EPHA1: variants seen among roughly 807,000 people sequenced by gnomAD.
EPHA1 encodes the protein ephrin type-A receptor 1.
Under a neutral mutation model 110.1 loss-of-function variants are expected in EPHA1, and 92 were observed. The observed-to-expected ratio is 0.84, with a 90% CI of 0.71 to 0.99. The LOEUF is 0.99. Among genes scored for constraint, EPHA1 ranks in the 50% least tolerant of loss-of-function variants. The probability of loss-of-function intolerance (pLI) is 0.00; values close to 1 mark genes in which losing one functional copy is unlikely to be tolerated. For synonymous variants in EPHA1, 500 were observed against 516.1 expected (o/e 0.97, Z 0.42); for missense variants, 1,204 against 1,285.4 (o/e 0.94, Z 0.97).
rs1297260434 is a variant in EPHA1 at position 143,396,122 on chromosome 7, G to A, written c.1897+263C>T. Among the ~76,000 whole-genome samples, 4 of 152,242 alleles carry A rather than the reference G, an allele frequency of 2.6e-5. 1 individual carries two copies. The highest frequency in any genetic ancestry group is 9.6e-5 in the African/African-American group (4 of 41,462). On this transcript the variant is annotated intron_variant, in intron 11 of 17. Transcript: ENST00000275815. The stretch of plus-strand genomic sequence containing the variant: ...TGTGGATGAAAACAGTGTATTTAAT[G>A]CCCTTTATCAGAAACTCCAAAACCA...
chr7:143,398,582 G>GCCCCTCTCAGCCTCTCACCTGCATGCCC lies in EPHA1; in HGVS notation c.1327_1336+18dup, dbSNP rs780472007. On this transcript the variant is annotated intron_variant, in intron 6 of 17. Coordinates refer to ENST00000275815, the MANE Select transcript of EPHA1 (RefSeq NM_005232.5). ...CTGTCTCCACCAGGTCCCTGTCCCA[G>GCCCCTCTCAGCCTCTCACCTGCATGCCC]CCCCTCTCAGCCTCTCACCTGCATG... 4.3e-6 allele frequency: 7 copies of GCCCCTCTCAGCCTCTCACCTGCATGCCC among 1,609,466 alleles called. No individual in the cohort carries two copies. In the African/African-American group the frequency reaches 9.4e-5, roughly 22 times the overall value.
chr7:143,394,160 G>A (rs1450268563), intron 15 of EPHA1, 34 bp downstream of exon 15: 12 of 1,588,860 alleles, frequency 7.6e-6, no homozygotes, highest in Non-Finnish European at 1.0e-5. Flanking sequence ...GGTGTGAATT[G>A]GAGACAAGAT....
Position 143,395,704 on chromosome 7 carries a change from C to T in EPHA1, c.1898-200G>A, listed in dbSNP as rs573453178. On this transcript the variant is annotated intron_variant, in intron 11 of 17. Coordinates refer to ENST00000275815, the MANE Select transcript of EPHA1 (RefSeq NM_005232.5). This position sits in a 1 kb window ranked among gnomAD's most constrained non-coding sequence, Gnocchi z 4.7. ...CTGGAGTGCAATGCCGTGACCTATT[C>T]ACCACTGTCTCCCAGTGTTTGCACA... 3 of 608,394 alleles carry T rather than the reference C, an allele frequency of 4.9e-6. No homozygotes were observed. Among genetic ancestry groups the T allele is most frequent in the East Asian group, 2.8e-5 (1 of 36,094 alleles). 37.7% of individuals were successfully genotyped at this position (608,394 alleles called of 1,614,324 possible).
In EPHA1 at chr7:143,398,957, G is replaced by T; in HGVS notation, c.992-12C>A. 6.3e-7 allele frequency: 1 copy of T among 1,583,242 alleles called. No individual in the cohort carries two copies. The highest frequency in any genetic ancestry group is 8.6e-7 in the Non-Finnish European group (1 of 1,164,652). ...GGCCGAGGGGGGACCTGTGGGAGAA[G>T]AGGAGCCATCAGTAGAAGCCGACCT... On this transcript the variant is annotated splice_polypyrimidine_tract_variant and intron_variant, in intron 5 of 17. Transcript: ENST00000275815.
intron 16 of EPHA1, among the ~76,000 whole-genome samples, chr7:143,392,003 A>T (rs539173356): frequency 6.6e-6 from 1 of 152,312 alleles, no homozygotes; most frequent in South Asian, 2.1e-4. Context: ...GGCCTATAGG[A>T]AGGGACTGTC....
chr7:143,394,086 G>A, intron 15 of EPHA1, 108 bp downstream of exon 15: 1 of 1,438,576 alleles, frequency 7.0e-7, no homozygotes. Flanking sequence ...AAAAACTGAA[G>A]GTCATGAATA....
Position 143,399,385 on chromosome 7 carries a change from G to A in EPHA1, c.864C>T (p.Asp288=). The A allele has an allele frequency of 1.2e-6, 2 of 1,601,446 alleles. No individual in the cohort carries two copies. Among genetic ancestry groups the A allele is most frequent in the Non-Finnish European group, 1.7e-6 (2 of 1,173,408 alleles). The change falls in exon 5 of 18, where the codon GAC becomes GAT. Residue 288 remains aspartate, a synonymous_variant. Coordinates refer to ENST00000275815, the MANE Select transcript of EPHA1 (RefSeq NM_005232.5). ...VACPSGSYRM[D]MDTPHCLTCP... ...ACGTGAGACAATGGGGTGTGTCCAT[G>A]TCCATCCGGTAGGAGCCGCTAGGGC...
rs780668174 is a variant in EPHA1 at position 143,397,615 on chromosome 7, A to T, written c.1658T>A (p.Phe553Tyr). The change falls in exon 9 of 18, where the codon TTT becomes TAT. Residue 553 changes from phenylalanine (F) to tyrosine (Y), a missense_variant. By Grantham distance (22) the Phe-to-Tyr change is conservative (BLOSUM62 3). Transcript: ENST00000275815. The stretch of plus-strand genomic sequence containing the variant: ...CAAGGCTGCACCAAGCAGCAGCCCA[A>T]AGATGACGGCTACAATCTCTCCTCC... Reference protein sequence around the residue: ...LTGGEIVAVIFGLLLGAALLL... With the variant: ...LTGGEIVAVIYGLLLGAALLL... 1 of 1,614,064 alleles carries T rather than the reference A, an allele frequency of 6.2e-7. No individual in the cohort carries two copies.
At position 143,399,916 on chromosome 7, in the gene EPHA1, G is replaced by A; in HGVS notation, c.570C>T (p.Ala190=). ...CCCGGACAGACACCAGGGCCACACA[G>A]GCACCCGGGTTGTGGAAAGCGAGGT... The part of the protein sequence containing the change: ...GLYLAFHNPG[A]CVALVSVRVF... Residue 190 remains alanine (A), a synonymous_variant, in exon 4 of 18, where the codon GCC becomes GCT. Transcript: ENST00000275815. The A allele has an allele frequency of 1.2e-6, 2 of 1,613,084 alleles. No homozygotes were observed. Among genetic ancestry groups the A allele is most frequent in the Non-Finnish European group, 1.7e-6 (2 of 1,179,534 alleles).
In EPHA1 at chr7:143,401,753, A is replaced by G; in HGVS notation, c.151-148T>C. On this transcript the variant is annotated intron_variant, in intron 2 of 17. Coordinates refer to ENST00000275815, the MANE Select transcript of EPHA1 (RefSeq NM_005232.5). The surrounding 1 kb of genome is among the most constrained non-coding windows in gnomAD (Gnocchi z 4.1). ...TCTCCCCACCCCTCAGCTCCAGGAC[A>G]GTAGACTGAGTGTTTAGGGTTGGGG... 1 of 907,202 alleles carries G rather than the reference A, an allele frequency of 1.1e-6. No homozygotes were observed. The highest frequency in any genetic ancestry group is 1.7e-6 in the Non-Finnish European group (1 of 604,362). The allele number at this position is 907,202 out of a possible 1,614,324, so 56.2% of individuals were successfully genotyped here.
rs1805637071 is a variant in EPHA1 at position 143,408,799 on chromosome 7, G to T, written c.7C>A (p.Arg3=). 1.7e-6 allele frequency: 2 copies of T among 1,187,784 alleles called. No homozygotes were observed. Among genetic ancestry groups the T allele is most frequent in the African/African-American group, 1.6e-5 (1 of 62,106 alleles). The allele number at this position is 1,187,784 out of a possible 1,614,324, so 73.6% of individuals were successfully genotyped here. The part of the protein sequence containing the change: ME[R]RWPLGLGLVL... ...AGCCCTAGCCCCAGGGGCCAGCGCC[G>T]CTCCATAGCTCCGGGCCGGGACCTG... Residue 3 remains arginine, a synonymous_variant, in exon 1 of 18, where the codon CGG becomes AGG. Transcript: ENST00000275815.
At position 143,391,621 on chromosome 7, in the gene EPHA1, C is replaced by T. The variant is rs1805085919; in HGVS notation, c.2851G>A (p.Glu951Lys). The T allele has an allele frequency of 6.2e-7, 1 of 1,614,176 alleles. No individual in the cohort carries two copies. The highest frequency in any genetic ancestry group is 8.5e-7 in the Non-Finnish European group (1 of 1,180,024). ...TMECVLELTA[E>K]DLTQMGITLP... ...GCCCAGACAGCTCCAGCTCCTTACT[C>T]AGCGGTCAGCTCCAGCACACACTCC... The change falls in exon 17 of 18, where the codon GAG becomes AAG. Residue 951 changes from glutamate (E) to lysine (K), a missense_variant and splice_region_variant. Coordinates refer to ENST00000275815, the MANE Select transcript of EPHA1 (RefSeq NM_005232.5).
chr7:143,397,572 A>C lies in EPHA1; in HGVS notation c.1701T>G (p.Val567=). 1 of 1,614,130 alleles carries C rather than the reference A, an allele frequency of 6.2e-7. No individual in the cohort carries two copies. The highest frequency in any genetic ancestry group is 2.2e-5 in the East Asian group (1 of 44,870). Residue 567 remains valine, a synonymous_variant, in exon 9 of 18, where the codon GTT becomes GTG. Transcript: ENST00000275815. ...GCAGGAGCTGGCACCTGGACCGGAA[A>C]ACGAGAATCCCAAGCAGCAAGGCTG... is the stretch of plus-strand genomic sequence containing the variant. The part of the protein sequence containing the change: ...LGAALLLGIL[V]FRSRRAQRQR...
At position 143,398,794 on chromosome 7, in the gene EPHA1, C is replaced by T. The variant is rs201008645; in HGVS notation, c.1143G>A (p.Gly381=). ...SQCQGTAQDG[G]PCQPCGVGVH... The stretch of plus-strand genomic sequence containing the variant: ...CGCCCACCCCACAGGGCTGGCAGGG[C>T]CCCCCGTCCTGTGCTGTGCCCTGAC... Residue 381 remains glycine (G), a synonymous_variant, in exon 6 of 18, where the codon GGG becomes GGA. Transcript: ENST00000275815. 4.5e-5 allele frequency: 72 copies of T among 1,613,246 alleles called. No individual in the cohort carries two copies. In the East Asian group the frequency reaches 1.3e-3, roughly 30 times the overall value.
rs145517465 is a variant in EPHA1 at position 143,399,403 on chromosome 7, G to A, written c.846C>T (p.Ser282=). ...GSGEACVACP[S]GSYRMDMDTP... Reference sequence around the variant, plus strand: ...TGTCCATGTCCATCCGGTAGGAGCCGCTAGGGCAGGCTGGAGAGAGAACGC... The same window carrying A: ...TGTCCATGTCCATCCGGTAGGAGCCACTAGGGCAGGCTGGAGAGAGAACGC... The change falls in exon 5 of 18, where the codon AGC becomes AGT. Residue 282 remains serine, a synonymous_variant. Coordinates refer to ENST00000275815, the MANE Select transcript of EPHA1 (RefSeq NM_005232.5). 76 of 1,585,600 alleles carry A rather than the reference G, an allele frequency of 4.8e-5. No individual in the cohort carries two copies. The highest frequency in any genetic ancestry group is 1.1e-4 in the South Asian group (10 of 87,118).
In EPHA1 at chr7:143,393,893, G is replaced by C. The variant is rs372374874; in HGVS notation, c.2503-29C>G. 13 of 1,519,246 alleles carry C rather than the reference G, an allele frequency of 8.6e-6. No individual in the cohort carries two copies. The African/African-American group carries it at 1.8e-4, about 21-fold the overall frequency. 94.1% of individuals were successfully genotyped at this position (1,519,246 alleles called of 1,614,324 possible). On this transcript the variant is annotated intron_variant, in intron 15 of 17. Coordinates refer to ENST00000275815, the MANE Select transcript of EPHA1 (RefSeq NM_005232.5). This position sits in a 1 kb window ranked among gnomAD's most constrained non-coding sequence, Gnocchi z 5.6. Reference sequence around the variant, plus strand: ...CACGGCGGGACAGGAGGATGCTCTAGAGTAGCAAGCTAACCTGGAGGCCCA... The same window carrying C: ...CACGGCGGGACAGGAGGATGCTCTACAGTAGCAAGCTAACCTGGAGGCCCA...
At chr7:143,403,666 C>T (rs1411764312) in intron 2 of EPHA1, among the ~76,000 whole-genome samples, 1 of 152,176 alleles carries the variant, frequency 6.6e-6, no homozygotes, top group African/African-American at 2.4e-5. Flanking sequence ...TACACTTCCA[C>T]CAGCAACACA....
At position 143,395,126 on chromosome 7, in the gene EPHA1, G is replaced by A. The variant is rs1183926746; in HGVS notation, c.2140C>T (p.Leu714=). 4 of 1,613,922 alleles carry A rather than the reference G, an allele frequency of 2.5e-6. No homozygotes were observed. Among genetic ancestry groups the A allele is most frequent in the Non-Finnish European group, 3.4e-6 (4 of 1,180,028 alleles). ...TAGTCCTCTGCCCTCCTCACCCTCA[G>A]GAAGGCATCCAGGGCTCCATTCTCC... ...FMENGALDAF[L]REREDQLVPG... is the part of the protein sequence containing the mutation. Residue 714 remains leucine (L), a synonymous_variant, in exon 13 of 18, where the codon CTG becomes TTG. Coordinates refer to ENST00000275815, the MANE Select transcript of EPHA1 (RefSeq NM_005232.5). This position sits in a 1 kb window ranked among gnomAD's most constrained non-coding sequence, Gnocchi z 4.7.
At position 143,399,247 on chromosome 7, in the gene EPHA1, C is replaced by T. The variant is rs748221092; in HGVS notation, c.991+11G>A. 7.9e-5 allele frequency: 127 copies of T among 1,610,306 alleles called. 1 individual carries two copies. The highest frequency in any genetic ancestry group is 9.9e-5 in the Non-Finnish European group (117 of 1,179,160). On this transcript the variant is annotated intron_variant, in intron 5 of 17. Transcript: ENST00000275815. ...CCCTCCAGATGGCCACGCCCCACCC[C>T]CTGGACTCACCTGTGCATGCCACCT...
Sources: gnomAD v4.1 joint callset for allele counts (sites outside exome capture counted in the v4.1 genomes callset) on GRCh38, gnomAD v4.1.1 for gene constraint, Gnocchi (gnomAD v3.1) non-coding constraint, MANE v1.5 for transcripts, NCBI Gene and HGNC (gene_info 2026-07-23, HGNC 2026-07-21) for gene names.